SGCD: variants seen among roughly 807,000 people sequenced by gnomAD.
The protein encoded by SGCD is delta-sarcoglycan.
Under a neutral mutation model 36.6 loss-of-function variants are expected in SGCD, and 18 were observed. The ratio of observed to expected loss-of-function variants is 0.49; its 90% CI spans 0.34 to 0.73. The LOEUF (loss-of-function observed/expected upper bound fraction) is 0.73. Ranked by LOEUF, SGCD falls within the 30% of genes least tolerant of loss-of-function variation. The probability of loss-of-function intolerance (pLI) is 0.01; values close to 1 mark genes in which losing one functional copy is unlikely to be tolerated. For missense variants in SGCD, 387 were observed against 346.7 expected (o/e 1.12, Z -0.92); for synonymous variants, 133 against 130.6 (o/e 1.02, Z -0.12).
chr5:156,465,190 C>A (rs959262404), intron 3 of SGCD, among the ~76,000 whole-genome samples: 5 of 152,144 alleles, frequency 3.3e-5, no homozygotes, highest in Admixed American at 6.5e-5. Flanking sequence ...AACCTCCTAC[C>A]TACCTGTTAC....
intron 7 of SGCD, among the ~76,000 whole-genome samples, chr5:156,681,533 G>C (rs981656532): frequency 6.6e-6 from 1 of 152,176 alleles, no homozygotes; most frequent in African/African-American, 2.4e-5. Flanking sequence ...TAGTGCTGCG[G>C]TTCCAGGCTT....
chr5:156,720,942 G>C (rs1051897976), intron 7 of SGCD, among the ~76,000 whole-genome samples: 2 of 152,152 alleles, frequency 1.3e-5, no homozygotes, highest in Admixed American at 6.5e-5. Context: ...GGCAGCAGTA[G>C]ACATTTCGAA....
rs1295302653 is a variant in SGCD at position 156,504,388 on chromosome 5, GTGTGTATATA to G, written c.193-4211_193-4202del. ...TGTACATGAGTATATGTGGGTGTGT[GTGTGTATATA>G]TATATATATATATATATATATATAT... On this transcript the variant is annotated intron_variant, in intron 3 of 8. Transcript: ENST00000337851. 5.4e-3 allele frequency among the ~76,000 whole-genome samples: 415 copies of G among 77,288 alleles called. 5 individuals carry two copies. The highest frequency in any genetic ancestry group is 0.018 in the Middle Eastern group (3 of 166). 50.7% of individuals were successfully genotyped at this position (77,288 alleles called of 152,430 possible).
At chr5:156,723,850 A>AGTGTGT (rs60939391) in intron 7 of SGCD, among the ~76,000 whole-genome samples, 4,958 of 150,068 alleles carry the variant, frequency 0.033, 231 homozygotes, top group African/African-American at 0.11. Flanking sequence ...TTTTAAGCCA[A>AGTGTGT]GTGTGTGTGT....
intron 7 of SGCD, among the ~76,000 whole-genome samples, chr5:156,711,343 C>G (rs573830280): frequency 6.6e-6 from 1 of 152,268 alleles, no homozygotes; most frequent in South Asian, 2.1e-4. Flanking sequence ...ACATGGCCAC[C>G]ATTGATGTAG....
chr5:156,480,542 T>C (rs1385050154), intron 3 of SGCD, among the ~76,000 whole-genome samples: 1 of 152,232 alleles, frequency 6.6e-6, no homozygotes, highest in Admixed American at 6.5e-5. Context: ...ATGACCTTGA[T>C]GGCTTTTAGC....
chr5:156,326,184 G>A (rs1367485693), upstream of SGCD, among the ~76,000 whole-genome samples: 1 of 152,154 alleles, frequency 6.6e-6, no homozygotes, highest in Non-Finnish European at 1.5e-5. Context: ...GGGAGAAGAG[G>A]GGTGTCCTCC....
chr5:156,150,892 A>T (rs1762817074), intron 3 of SGCD, among the ~76,000 whole-genome samples: 1 of 151,740 alleles, frequency 6.6e-6, no homozygotes, highest in Non-Finnish European at 1.5e-5. Flanking sequence ...GACTTTCAGA[A>T]TGTCAAATAC....
chr5:156,538,656 T>C (rs1561764650), intron 4 of SGCD, among the ~76,000 whole-genome samples: 1 of 152,182 alleles, frequency 6.6e-6, no homozygotes, highest in Non-Finnish European at 1.5e-5. Context: ...GAGCTCTTTC[T>C]GCTTATCTAG....
In SGCD at chr5:156,459,423, C is replaced by G. The variant is rs557141235; in HGVS notation, c.193-49178C>G. ...TTGAATGATTTGTTAAAAACAGTCT[C>G]TTAATTTAAGAAAATGAGAGTCAAC... is the stretch of plus-strand genomic sequence containing the variant. On this transcript the variant is annotated intron_variant, in intron 3 of 8. Coordinates refer to ENST00000337851, the MANE Select transcript of SGCD (RefSeq NM_000337.6). 2.4e-4 allele frequency among the ~76,000 whole-genome samples: 37 copies of G among 152,256 alleles called. No homozygotes were observed. The South Asian group carries it at 7.1e-3, about 29-fold the overall frequency.
chr5:155,731,906 C>T, the SGCD span, among the ~76,000 whole-genome samples: 5 of 151,928 alleles, frequency 3.3e-5, no homozygotes, highest in East Asian at 1.9e-4. Flanking sequence ...GCACCCTTCT[C>T]TAATTTGTTT....
At chr5:156,230,583 C>T (rs1049798505) in intron 3 of SGCD, among the ~76,000 whole-genome samples, 3 of 152,134 alleles carry the variant, frequency 2.0e-5, no homozygotes, top group Admixed American at 6.6e-5. Flanking sequence ...GGGGTGTCTC[C>T]TGGGTCCTGC....
intron 3 of SGCD, among the ~76,000 whole-genome samples, chr5:156,211,665 T>G (rs1764447998): frequency 6.7e-6 from 1 of 149,798 alleles, no homozygotes; most frequent in Admixed American, 6.6e-5. Context: ...CTAAAACATA[T>G]GAAAGTATAA....
intron 4 of SGCD, among the ~76,000 whole-genome samples, chr5:156,545,120 T>A (rs2113167589): frequency 6.6e-6 from 1 of 152,344 alleles, no homozygotes; most frequent in African/African-American, 2.4e-5. Context: ...GTAGTGACTT[T>A]TTTTGTTTGT....
chr5:156,288,616 G>GT (rs1766677764), intron 3 of SGCD, among the ~76,000 whole-genome samples: 1 of 152,132 alleles, frequency 6.6e-6, no homozygotes, highest in African/African-American at 2.4e-5. Flanking sequence ...TGTGTTAGTG[G>GT]TTTCATGGGA....
intron 3 of SGCD, among the ~76,000 whole-genome samples, chr5:156,186,298 T>C (rs1179739002): frequency 6.6e-6 from 1 of 152,028 alleles, no homozygotes; most frequent in Non-Finnish European, 1.5e-5. Flanking sequence ...TGGTGGGTAG[T>C]TGGGGGTGAA....
the SGCD span, among the ~76,000 whole-genome samples, chr5:155,834,979 G>C: frequency 1.4e-5 from 2 of 141,946 alleles, no homozygotes. Context: ...GGGATTAAAG[G>C]CATGTGCCAC....
chr5:156,344,413 T>TG (rs1768832266), intron 2 of SGCD, 76 bp from the exon 3 acceptor site: 2 of 1,051,208 alleles, frequency 1.9e-6, no homozygotes, highest in Non-Finnish European at 2.8e-6. Flanking sequence ...ATCAGTTGAT[T>TG]TTTTTTTCCT....
Position 156,157,946 on chromosome 5 carries a change from G to T in SGCD, c.-44+33927G>T, listed in dbSNP as rs540558507. 1.5e-4 allele frequency among the ~76,000 whole-genome samples: 23 copies of T among 151,724 alleles called. 1 individual carries two copies. The highest frequency in any genetic ancestry group is 5.6e-4 in the African/African-American group (23 of 41,062). On this transcript the variant is annotated intron_variant, in intron 3 of 9. Coordinates refer to the SGCD transcript ENST00000517913. Reference sequence around the variant, plus strand: ...TAAGTTAAAATATTAGCTTCTTAATGTATGTTCAAATGTTAAAATTATGTG... The same window carrying T: ...TAAGTTAAAATATTAGCTTCTTAATTTATGTTCAAATGTTAAAATTATGTG...
Sources: allele counts gnomAD v4.1 joint callset (sites outside exome capture counted in the v4.1 genomes callset), GRCh38; gene constraint gnomAD v4.1.1; transcripts MANE v1.5; gene names NCBI Gene and HGNC (gene_info 2026-07-23, HGNC 2026-07-21).